The following PRRX2 variants were observed in gnomAD, a reference collection of about 807,000 sequenced individuals.
PRRX2 encodes paired mesoderm homeobox protein 2.
PRRX2 carries 11 observed loss-of-function variants against 18.0 expected under a neutral mutation model. That is an observed-to-expected ratio of 0.61 (90% CI 0.39 to 1.01). The LOEUF (loss-of-function observed/expected upper bound fraction) is 1.01. Ranked by LOEUF, PRRX2 falls within the 50% of genes least tolerant of loss-of-function variation. The pLI, the probability that PRRX2 is intolerant of heterozygous loss-of-function variation, is 0.01. For missense variants in PRRX2, 387 were observed against 351.0 expected (o/e 1.10, Z -0.82); for synonymous variants, 177 against 154.8 (o/e 1.14, Z -1.06).
chr9:129,679,624 G>C lies in PRRX2; in HGVS notation c.259+13498G>C, dbSNP rs1456045011. On this transcript the variant is annotated intron_variant, in intron 1 of 3. Coordinates refer to ENST00000372469, the MANE Select transcript of PRRX2 (RefSeq NM_016307.4). Reference sequence around the variant, plus strand: ...TACCCCTGCCGACCTGGAGTCCCTGGATTGGGCTGACTGCGACCTTACCCA... The same window carrying C: ...TACCCCTGCCGACCTGGAGTCCCTGCATTGGGCTGACTGCGACCTTACCCA... Among the ~76,000 whole-genome samples the C allele has an allele frequency of 2.0e-5, 3 of 152,204 alleles. No homozygotes were observed. In the South Asian group the frequency reaches 6.2e-4, roughly 31 times the overall value.
In PRRX2 at chr9:129,715,729, C is replaced by G. The variant is rs1010223421; in HGVS notation, c.260-3502C>G. 1.4e-5 allele frequency among the ~76,000 whole-genome samples: 2 copies of G among 147,506 alleles called. No homozygotes were observed. The highest frequency in any genetic ancestry group is 5.0e-5 in the African/African-American group (2 of 39,604). ...TCGGTTGAGAAGCAGTGGTCCAAAC[C>G]CAGCTTCAGGGACATCTTTCTCACA... On this transcript the variant is annotated intron_variant, in intron 1 of 3. Transcript: ENST00000372469. The surrounding 1 kb of genome is among the most constrained non-coding windows in gnomAD (Gnocchi z 4.0).
rs1184503603 is a variant in PRRX2 at position 129,715,774 on chromosome 9, A to T, written c.260-3457A>T. 2.6e-5 allele frequency among the ~76,000 whole-genome samples: 4 copies of T among 151,110 alleles called. No homozygotes were observed. The South Asian group carries it at 6.3e-4, about 24-fold the overall frequency. Reference sequence around the variant, plus strand: ...CTCACACACACACACACACACACACACACACACACACACACACACTCATTT... The same window carrying T: ...CTCACACACACACACACACACACACTCACACACACACACACACACTCATTT... On this transcript the variant is annotated intron_variant, in intron 1 of 3. Transcript: ENST00000372469. This position sits in a 1 kb window ranked among gnomAD's most constrained non-coding sequence, Gnocchi z 4.0.
chr9:129,673,927 G>T (rs1832133674), intron 1 of PRRX2, among the ~76,000 whole-genome samples: 1 of 152,156 alleles, frequency 6.6e-6, no homozygotes, highest in Admixed American at 6.5e-5. Context: ...AAGAGATGGG[G>T]TGCCCGGCGG....
At chr9:129,720,143 C>T (rs1832770049) in intron 2 of PRRX2, among the ~76,000 whole-genome samples, 1 of 151,890 alleles carries the variant, frequency 6.6e-6, no homozygotes, top group African/African-American at 2.4e-5. Flanking sequence ...AGCGCCTCTC[C>T]CCGCGAGTCC....
At chr9:129,701,689 C>A (rs994590367) in intron 1 of PRRX2, among the ~76,000 whole-genome samples, 5 of 152,228 alleles carry the variant, frequency 3.3e-5, no homozygotes, top group Non-Finnish European at 5.9e-5. Flanking sequence ...GATATTCATG[C>A]ACACTGTAAA....
At chr9:129,692,142 G>A (rs1832368393) in intron 1 of PRRX2, among the ~76,000 whole-genome samples, 1 of 151,198 alleles carries the variant, frequency 6.6e-6, no homozygotes, top group Non-Finnish European at 1.5e-5. Context: ...AAGTGATAAG[G>A]TTTTGCTGTG....
Position 129,671,736 on chromosome 9 carries a change from G to C in PRRX2, c.259+5610G>C, listed in dbSNP as rs1444685995. Among the ~76,000 whole-genome samples the C allele has an allele frequency of 6.6e-6, 1 of 152,228 alleles. No individual in the cohort carries two copies. Among genetic ancestry groups the C allele is most frequent in the East Asian group, 1.9e-4 (1 of 5,188 alleles). On this transcript the variant is annotated intron_variant, in intron 1 of 3. Transcript: ENST00000372469. The surrounding 1 kb of genome is among the most constrained non-coding windows in gnomAD (Gnocchi z 4.0). Reference sequence around the variant, plus strand: ...GGAGATGCTCTCTGAGGGCCTGTGAGTCAGGCGAGGCTGTCAGAGGCCCAG... The same window carrying C: ...GGAGATGCTCTCTGAGGGCCTGTGACTCAGGCGAGGCTGTCAGAGGCCCAG...
chr9:129,701,918 G>A (rs1428815354), intron 1 of PRRX2, among the ~76,000 whole-genome samples: 1 of 152,028 alleles, frequency 6.6e-6, no homozygotes, highest in Non-Finnish European at 1.5e-5. Flanking sequence ...GGCCAACATG[G>A]TGAAACCCCA....
chr9:129,705,729 C>T (rs562312135), intron 1 of PRRX2, among the ~76,000 whole-genome samples: 5 of 152,216 alleles, frequency 3.3e-5, no homozygotes, highest in South Asian at 2.1e-4. Flanking sequence ...CCTGGCTCCC[C>T]GCTACCGTTA....
chr9:129,712,205 G>C (rs934413120), intron 1 of PRRX2, among the ~76,000 whole-genome samples: 1 of 152,314 alleles, frequency 6.6e-6, no homozygotes, highest in Non-Finnish European at 1.5e-5. Context: ...GTTGGGGGTG[G>C]TGAGGAGGGC....
chr9:129,700,625 ATTG>A (rs1222367294), intron 1 of PRRX2, among the ~76,000 whole-genome samples: 1 of 134,996 alleles, frequency 7.4e-6, no homozygotes, highest in Non-Finnish European at 1.6e-5. Context: ...CCTGGCCGTT[ATTG>A]TTGTTTTGAG....
At chr9:129,720,495 T>A in intron 2 of PRRX2, 101 bp from the exon 3 acceptor site, 1 of 1,189,304 alleles carries the variant, frequency 8.4e-7, no homozygotes. Context: ...GAGGTGACGC[T>A]GCCAGCCCTG....
chr9:129,697,544 A>C (rs1832442409), intron 1 of PRRX2, among the ~76,000 whole-genome samples: 1 of 150,948 alleles, frequency 6.6e-6, no homozygotes, highest in Non-Finnish European at 1.5e-5. Flanking sequence ...GCTCGCACGC[A>C]CTGGCTGGCG....
intron 1 of PRRX2, among the ~76,000 whole-genome samples, chr9:129,676,164 G>A (rs1428404439): frequency 1.3e-5 from 2 of 152,264 alleles, no homozygotes; most frequent in East Asian, 1.9e-4. Context: ...TCATTCACCC[G>A]CTCCTTGCTG....
At chr9:129,684,460 C>CACACACATA in intron 1 of PRRX2, among the ~76,000 whole-genome samples, 1 of 125,200 alleles carries the variant, frequency 8.0e-6, no homozygotes, top group African/African-American at 3.1e-5. Context: ...ACACACACAC[C>CACACACATA]CAACAGAAAA....
At chr9:129,669,653 G>C (rs1440346720) in intron 1 of PRRX2, among the ~76,000 whole-genome samples, 1 of 152,154 alleles carries the variant, frequency 6.6e-6, no homozygotes, top group South Asian at 2.1e-4. Flanking sequence ...AAGATGAAGT[G>C]CTTGCATCTA....
chr9:129,684,532 A>ACACACACACACACACACACACACACCC (rs1165343797), intron 1 of PRRX2, among the ~76,000 whole-genome samples: 1 of 140,282 alleles, frequency 7.1e-6, no homozygotes, highest in Non-Finnish European at 1.5e-5. Flanking sequence ...ACCCACACAC[A>ACACACACACACACACACACACACACCC]CCCCAACAGA....
chr9:129,674,031 C>G (rs892232616), intron 1 of PRRX2, among the ~76,000 whole-genome samples: 1 of 152,088 alleles, frequency 6.6e-6, no homozygotes, highest in African/African-American at 2.4e-5. Flanking sequence ...CACGGCTGCC[C>G]CTCCCAAGGA....
At chr9:129,711,591 A>G (rs1273453883) in intron 1 of PRRX2, among the ~76,000 whole-genome samples, 2 of 151,970 alleles carry the variant, frequency 1.3e-5, no homozygotes, top group Non-Finnish European at 2.9e-5. Context: ...TACTTTTAGT[A>G]GAGACCGGGG....
Sources: gnomAD v4.1 joint callset for allele counts (sites outside exome capture counted in the v4.1 genomes callset) on GRCh38, gnomAD v4.1.1 for gene constraint, Gnocchi (gnomAD v3.1) non-coding constraint, MANE v1.5 for transcripts, NCBI Gene and HGNC (gene_info 2026-07-23, HGNC 2026-07-21) for gene names.